Variants in COQ7 observed in about 807,000 individuals in gnomAD.
COQ7 encodes NADPH-dependent 3-demethoxyubiquinone 3-hydroxylase, mitochondrial.
Under a neutral mutation model 25.0 loss-of-function variants are expected in COQ7, and 21 were observed. That is an observed-to-expected ratio of 0.84 (90% confidence interval 0.60 to 1.21). The LOEUF is 1.21. COQ7 is among the 50% of genes most tolerant of loss of function. The probability of loss-of-function intolerance (pLI) is 0.00; values close to 1 mark genes in which losing one functional copy is unlikely to be tolerated. For synonymous variants in COQ7, 125 were observed against 112.4 expected, an observed-to-expected ratio of 1.11 and a Z score of -0.71; for missense variants, 311 against 296.2, an observed-to-expected ratio of 1.05 and a Z score of -0.37.
intron 2 of COQ7, 87 bp from the exon 3 acceptor site, chr16:19,073,834 T>C (rs1383264051): frequency 3.3e-6 from 3 of 914,240 alleles, no homozygotes; most frequent in Non-Finnish European, 5.2e-6. Context: ...ATTTTCTCCG[T>C]TTCTGCTTTG....
chr16:19,077,112 A>C (rs1406901372), intron 4 of COQ7, among the ~76,000 whole-genome samples, 194 bp from the exon 5 acceptor site: 1 of 152,224 alleles, frequency 6.6e-6, no homozygotes, highest in Non-Finnish European at 1.5e-5. Context: ...ATTTGTTTGC[A>C]TGTCTCCGGC....
chr16:19,078,334 T>C lies in COQ7; in HGVS notation c.*176T>C. On this transcript the variant is annotated 3_prime_UTR_variant, in exon 6 of 6. Transcript: ENST00000321998. Reference sequence around the variant, plus strand: ...GCAGTGTTGATTTTTCTCTGGGTTGTTTTTTCTGCCATGAGACCAACAGGT... The same window carrying C: ...GCAGTGTTGATTTTTCTCTGGGTTGCTTTTTCTGCCATGAGACCAACAGGT... 2.0e-6 allele frequency: 1 copy of C among 487,888 alleles called. No homozygotes were observed. The highest frequency in any genetic ancestry group is 3.5e-6 in the Non-Finnish European group (1 of 289,562). The allele number at this position is 487,888 out of a possible 1,614,324, so 30.2% of individuals were successfully genotyped here. A position where few individuals can be genotyped will look rare whatever the true frequency, so the allele number is the denominator to read the frequency against.
At chr16:19,072,986 T>C (rs1357045391) in intron 2 of COQ7, among the ~76,000 whole-genome samples, 1 of 151,932 alleles carries the variant, frequency 6.6e-6, no homozygotes, top group African/African-American at 2.4e-5. Flanking sequence ...GCTTGGGCAA[T>C]GTGATGAGAC....
chr16:19,073,881 A>G lies in COQ7; in HGVS notation c.253-40A>G, dbSNP rs113441236. 3.5e-4 allele frequency: 532 copies of G among 1,511,518 alleles called. 2 individuals carry two copies. In the African/African-American group the frequency reaches 6.2e-3, roughly 18 times the overall value. The allele number at this position is 1,511,518 out of a possible 1,614,324, so 93.6% of individuals were successfully genotyped here. A position where few individuals can be genotyped will look rare whatever the true frequency, so the allele number is the denominator to read the frequency against. Reference sequence around the variant, plus strand: ...CCGCTTGGATGAGTGGGAGGCCTCTATGGAATGCTTGCATGTCTTTATTTT... The same window carrying G: ...CCGCTTGGATGAGTGGGAGGCCTCTGTGGAATGCTTGCATGTCTTTATTTT... On this transcript the variant is annotated intron_variant, in intron 2 of 5. Coordinates refer to ENST00000321998, the MANE Select transcript of COQ7 (RefSeq NM_016138.5).
At position 19,067,695 on chromosome 16, in the gene COQ7, C is replaced by T. The variant is rs750183492; in HGVS notation, c.31C>T (p.Arg11Cys). The change falls in exon 1 of 6, where the codon CGC (arginine) becomes TGC (cysteine). Residue 11 changes from arginine to cysteine, a missense_variant. Arg to Cys is a radical substitution (Grantham distance 180). Transcript: ENST00000321998. MSCAGAAAAPRLWRLRPGARR... is the reference protein window; with the variant it reads MSCAGAAAAPCLWRLRPGARR... ...TTGCGCCGGGGCGGCGGCGGCTCCC[C>T]GCCTTTGGCGGCTGCGCCCGGGGGC... The T allele has an allele frequency of 6.8e-6, 11 of 1,609,096 alleles. No individual in the cohort carries two copies. Among genetic ancestry groups the T allele is most frequent in the Non-Finnish European group, 7.6e-6 (9 of 1,178,230 alleles).
At chr16:19,068,910 T>A (rs1450080348) in intron 1 of COQ7, 1 of 425,970 alleles carries the variant, frequency 2.3e-6, no homozygotes, top group East Asian at 7.2e-5. Context: ...ACAAACAAAT[T>A]AAAAAGTTAT....
downstream of COQ7, among the ~76,000 whole-genome samples, chr16:19,080,793 G>A (rs548102835): frequency 2.6e-4 from 40 of 152,094 alleles, no homozygotes; most frequent in African/African-American, 7.9e-4. Flanking sequence ...CAGAAATAAC[G>A]AAATTTCTTT....
Position 19,074,017 on chromosome 16 carries a change from G to A in COQ7, c.349G>A (p.Val117Met), listed in dbSNP as rs754059078. 6.2e-7 allele frequency: 1 copy of A among 1,613,376 alleles called. No homozygotes were observed. The highest frequency in any genetic ancestry group is 8.5e-7 in the Non-Finnish European group (1 of 1,179,734). Reference protein sequence around the residue: ...RPTVLMPLWNVLGFALGAGTA... With the variant: ...RPTVLMPLWNMLGFALGAGTA... The stretch of plus-strand genomic sequence containing the variant: ...AACAGTTCTGATGCCCTTGTGGAAC[G>A]TGCTGGGGTTTGCACTGGGTACGTG... Residue 117 changes from valine (V) to methionine (M), a missense_variant, in exon 3 of 6, where the codon GTG (valine) becomes ATG (methionine). Val to Met is a conservative substitution (Grantham distance 21). Coordinates refer to ENST00000321998, the MANE Select transcript of COQ7 (RefSeq NM_016138.5).
At chr16:19,067,804 T>C in intron 1 of COQ7, 67 bp downstream of exon 1, 1 of 1,571,154 alleles carries the variant, frequency 6.4e-7, no homozygotes, top group Non-Finnish European at 8.6e-7. Flanking sequence ...CGCTTGAGGT[T>C]TGGGTCGAAG....
intron 2 of COQ7, among the ~76,000 whole-genome samples, chr16:19,073,441 C>T (rs1189899292): frequency 6.6e-6 from 1 of 152,146 alleles, no homozygotes; most frequent in Non-Finnish European, 1.5e-5. Context: ...TGCGGTGAGC[C>T]ATGAGCTTGC....
chr16:19,070,649 G>T (rs1288381605), intron 1 of COQ7, among the ~76,000 whole-genome samples: 2 of 152,084 alleles, frequency 1.3e-5, no homozygotes, highest in Admixed American at 6.6e-5. Context: ...TGCTCTAGAG[G>T]CTGAAAAAGG....
chr16:19,077,590 C>CTTTGTTTTTTTTTTT (rs1962918845), intron 5 of COQ7, among the ~76,000 whole-genome samples: 1 of 74,378 alleles, frequency 1.3e-5, no homozygotes, highest in African/African-American at 4.3e-5. Context: ...TCCCCAGAAG[C>CTTTGTTTTTTTTTTT]TTTTTTTTTT....
At chr16:19,067,952 G>C in intron 1 of COQ7, 1 of 1,436,516 alleles carries the variant, frequency 7.0e-7, no homozygotes, top group Non-Finnish European at 9.1e-7. Context: ...GGGTTGTTTC[G>C]GCAGTGACGC....
Position 19,073,887 on chromosome 16 carries a change from T to C in COQ7, c.253-34T>C, listed in dbSNP as rs369712325. 1.9e-6 allele frequency: 3 copies of C among 1,544,284 alleles called. No individual in the cohort carries two copies. In the African/African-American group the frequency reaches 4.1e-5, roughly 21 times the overall value. ...GGATGAGTGGGAGGCCTCTATGGAA[T>C]GCTTGCATGTCTTTATTTTTATGTT... On this transcript the variant is annotated intron_variant, in intron 2 of 5. Coordinates refer to ENST00000321998, the MANE Select transcript of COQ7 (RefSeq NM_016138.5).
chr16:19,068,389 G>A (rs912616764), intron 1 of COQ7: 49 of 988,754 alleles, frequency 5.0e-5, no homozygotes, highest in East Asian at 1.1e-4. Context: ...CGGTGGCTCC[G>A]GCCTATAATC....
At position 19,078,366 on chromosome 16, in the gene COQ7, C is replaced by T. The variant is rs1001188327; in HGVS notation, c.*208C>T. The stretch of plus-strand genomic sequence containing the variant: ...TGCCATGAGACCAACAGGTCACCAG[C>T]CTTGTTCAAGTTACAGCAAACGAAG... On this transcript the variant is annotated 3_prime_UTR_variant, in exon 6 of 6. Coordinates refer to ENST00000321998, the MANE Select transcript of COQ7 (RefSeq NM_016138.5). The T allele has an allele frequency of 1.5e-5, 6 of 400,216 alleles. No individual in the cohort carries two copies. The highest frequency in any genetic ancestry group is 8.3e-5 in the African/African-American group (4 of 48,098). The allele number at this position is 400,216 out of a possible 1,614,324, so 24.8% of individuals were successfully genotyped here. A position where few individuals can be genotyped will look rare whatever the true frequency, so the allele number is the denominator to read the frequency against.
intron 5 of COQ7, among the ~76,000 whole-genome samples, 154 bp downstream of exon 5, chr16:19,077,528 C>T (rs1365738842): frequency 3.4e-5 from 5 of 147,398 alleles, no homozygotes; most frequent in African/African-American, 1.2e-4. Flanking sequence ...CAAGCAAACG[C>T]ATTATTGCTC....
Position 19,078,230 on chromosome 16 carries a change from G to A in COQ7, c.*72G>A, listed in dbSNP as rs1180433158. 8.8e-6 allele frequency: 10 copies of A among 1,141,868 alleles called. No homozygotes were observed. The highest frequency in any genetic ancestry group is 1.3e-5 in the Non-Finnish European group (10 of 782,880). The allele number at this position is 1,141,868 out of a possible 1,614,324, so 70.7% of individuals were successfully genotyped here. On this transcript the variant is annotated 3_prime_UTR_variant, in exon 6 of 6. Transcript: ENST00000321998. Reference sequence around the variant, plus strand: ...AAGTGACATTTGCAGAGAAACAGGTGTACAGTTATCGTTGTACTTTTGTAC... The same window carrying A: ...AAGTGACATTTGCAGAGAAACAGGTATACAGTTATCGTTGTACTTTTGTAC...
rs1963001919 is a variant in COQ7 at position 19,078,955 on chromosome 16, G to T, written c.*797G>T. On this transcript the variant is annotated 3_prime_UTR_variant, in exon 6 of 6. Coordinates refer to ENST00000321998, the MANE Select transcript of COQ7 (RefSeq NM_016138.5). ...ATTGTGGGTGATAATGGGTGGGAGA[G>T]TGCTACAGTCTGTATGTCTGTGTCT... is the stretch of plus-strand genomic sequence containing the variant. 6.6e-6 allele frequency: 1 copy of T among 152,128 alleles called. No individual in the cohort carries two copies. Among genetic ancestry groups the T allele is most frequent in the South Asian group, 2.1e-4 (1 of 4,830 alleles). 9.4% of individuals were successfully genotyped at this position (152,128 alleles called of 1,614,324 possible). A position where few individuals can be genotyped will look rare whatever the true frequency, so the allele number is the denominator to read the frequency against.
Sources: gnomAD v4.1 joint callset for allele counts (sites outside exome capture counted in the v4.1 genomes callset) on GRCh38, gnomAD v4.1.1 for gene constraint, MANE v1.5 for transcripts, NCBI Gene and HGNC (gene_info 2026-07-23, HGNC 2026-07-21) for gene names.